DST: variants seen among roughly 807,000 people sequenced by gnomAD.
DST encodes the protein bullous pemphigoid antigen.
A neutral mutation model predicts 875.2 loss-of-function variants in DST; 253 were observed. The ratio of observed to expected loss-of-function variants is 0.29; its 90% CI spans 0.26 to 0.32. The LOEUF (loss-of-function observed/expected upper bound fraction) is 0.32. DST is among the 10% of genes least tolerant of loss of function. DST has a pLI of 1.00. For synonymous variants in DST, 3,124 were observed against 3,197.1 expected, an observed-to-expected ratio of 0.98 and a Z score of 0.77; for missense variants, 8,287 against 9,111.6, an observed-to-expected ratio of 0.91 and a Z score of 3.68.
At chr6:56,935,554 T>A (rs764540389) in intron 2 of DST, among the ~76,000 whole-genome samples, 1 of 152,282 alleles carries the variant, frequency 6.6e-6, no homozygotes, top group East Asian at 1.9e-4. Context: ...ACATATTGTT[T>A]TCTTTAAAAT....
chr6:56,534,862 C>T (rs1251501105), intron 63 of DST, among the ~76,000 whole-genome samples: 2 of 152,198 alleles, frequency 1.3e-5, no homozygotes, highest in East Asian at 1.9e-4. Context: ...AATCCTGGCA[C>T]ACCCTTCCCA....
At chr6:56,645,330 C>T (rs1330873965) in intron 15 of DST, among the ~76,000 whole-genome samples, 2 of 152,088 alleles carry the variant, frequency 1.3e-5, no homozygotes, top group Admixed American at 6.5e-5. Context: ...TAGTGAGAGA[C>T]AAAATGACAG....
intron 2 of DST, among the ~76,000 whole-genome samples, chr6:56,916,997 A>C (rs1422554726): frequency 2.4e-5 from 3 of 123,392 alleles, no homozygotes; most frequent in Admixed American, 7.9e-5. Flanking sequence ...TAAAAAAAAA[A>C]AAAAAAAAAA....
intron 61 of DST, among the ~76,000 whole-genome samples, chr6:56,550,101 C>G (rs1032296983): frequency 6.6e-6 from 1 of 152,128 alleles, no homozygotes; most frequent in Non-Finnish European, 1.5e-5. Context: ...ATTGTAATTA[C>G]TATTTTTAAG....
chr6:56,870,529 G>A (rs111641303), intron 3 of DST, among the ~76,000 whole-genome samples: 7,179 of 151,504 alleles, frequency 0.047, 574 homozygotes, highest in African/African-American at 0.16. Flanking sequence ...TTGGGAGACC[G>A]AGGTGGGCAG....
At chr6:56,884,876 G>A (rs1283863381) in intron 3 of DST, among the ~76,000 whole-genome samples, 1 of 152,040 alleles carries the variant, frequency 6.6e-6, no homozygotes, top group Non-Finnish European at 1.5e-5. Context: ...CTACAGGCAC[G>A]TGCCACCACG....
chr6:56,836,711 C>A (rs2099793963), intron 4 of DST, among the ~76,000 whole-genome samples: 1 of 151,084 alleles, frequency 6.6e-6, no homozygotes, highest in South Asian at 2.1e-4. Context: ...ATTAGCCGGG[C>A]GTGATGGCGG....
At chr6:56,581,653 A>G (rs763645422) in intron 49 of DST, among the ~76,000 whole-genome samples, 2 of 152,230 alleles carry the variant, frequency 1.3e-5, no homozygotes, top group Non-Finnish European at 2.9e-5. Flanking sequence ...CTGGCCACAC[A>G]GGCCTATTCC....
At chr6:56,854,697 G>C (rs998182054) in intron 3 of DST, among the ~76,000 whole-genome samples, 3 of 152,084 alleles carry the variant, frequency 2.0e-5, no homozygotes, top group African/African-American at 7.2e-5. Context: ...CACATAAAAA[G>C]ATTACCAAAA....
At position 56,704,301 on chromosome 6, in the gene DST, C is replaced by A; in HGVS notation, c.756G>T (p.Glu252Asp). The A allele has an allele frequency of 6.4e-7, 1 of 1,551,676 alleles. No homozygotes were observed. The highest frequency in any genetic ancestry group is 1.2e-5 in the South Asian group (1 of 83,146). Reference sequence around the variant, plus strand: ...TTACCAAGGTATCTCCTGAAAGAACCTCTAAAAGAGAAATCAAATTGTGTC... The same window carrying A: ...TTACCAAGGTATCTCCTGAAAGAACATCTAAAAGAGAAATCAAATTGTGTC... ...RDGHNLISLL[E>D]VLSGDTLPRE... The change falls in exon 6 of 104, where the codon GAG (glutamate) becomes GAT (aspartate). Residue 252 changes from glutamate (E) to aspartate (D), a missense_variant. Transcript: ENST00000680361.
At chr6:56,812,135 A>G (rs191670485) in intron 4 of DST, among the ~76,000 whole-genome samples, 1,622 of 150,872 alleles carry the variant, frequency 0.011, 45 homozygotes, top group African/African-American at 0.038. Context: ...AAAAGAAAAG[A>G]AAAGAAAAGA....
intron 47 of DST, among the ~76,000 whole-genome samples, chr6:56,595,044 G>C (rs2098346830): frequency 6.6e-6 from 1 of 152,134 alleles, no homozygotes; most frequent in African/African-American, 2.4e-5. Context: ...CCAGCCATAA[G>C]CATCTTCTTC....
chr6:56,503,303 C>T (rs894371713), intron 78 of DST, among the ~76,000 whole-genome samples: 67 of 152,080 alleles, frequency 4.4e-4, no homozygotes, highest in African/African-American at 1.6e-3. Flanking sequence ...ATTTGCAACA[C>T]AAAGGATAAA....
At chr6:56,922,011 T>C (rs1412474503) in intron 2 of DST, among the ~76,000 whole-genome samples, 1 of 152,176 alleles carries the variant, frequency 6.6e-6, no homozygotes, top group Admixed American at 6.5e-5. Context: ...ATTATTTCCT[T>C]AAATACATAC....
At chr6:56,875,209 C>A (rs543323913) in intron 3 of DST, among the ~76,000 whole-genome samples, 6 of 152,272 alleles carry the variant, frequency 3.9e-5, no homozygotes, top group African/African-American at 1.4e-4. Flanking sequence ...TGGTCTCGAT[C>A]TCCTGGCCTC....
At chr6:56,516,601 A>G (rs760518391) in intron 71 of DST, among the ~76,000 whole-genome samples, 4 of 152,178 alleles carry the variant, frequency 2.6e-5, no homozygotes, top group Non-Finnish European at 5.9e-5. Flanking sequence ...TATCTTTCCT[A>G]CCAGAAGCAT....
rs1262261804 is a variant in DST, at chr6:56,532,493, C to A, written c.16959G>T (p.Leu5653Phe). 6.2e-7 allele frequency: 1 copy of A among 1,600,988 alleles called. No individual in the cohort carries two copies. Among genetic ancestry groups the A allele is most frequent in the South Asian group, 1.1e-5 (1 of 88,638 alleles). Reference sequence around the variant, plus strand: ...CCTCCACCGTAGATTTTCGGTCATCCAACAATCTCTGGAGAAGCTTGAGAC... The same window carrying A: ...CCTCCACCGTAGATTTTCGGTCATCAAACAATCTCTGGAGAAGCTTGAGAC... ...IQEQKLLQRLLDDRKSTVEVI... is the reference protein window; with the variant it reads ...IQEQKLLQRLFDDRKSTVEVI... Residue 5653 changes from leucine (L) to phenylalanine (F), a missense_variant, in exon 64 of 104, where the codon TTG becomes TTT. This residue lies in a region of DST where 777 missense variants were observed against 764.8 expected (regional missense o/e 1.02). Transcript: ENST00000680361.
intron 4 of DST, among the ~76,000 whole-genome samples, chr6:56,737,119 A>G (rs1424998307): frequency 6.6e-6 from 1 of 152,238 alleles, no homozygotes; most frequent in Non-Finnish European, 1.5e-5. Flanking sequence ...ATTTGAGCCC[A>G]GGAGCTCAAG....
chr6:56,497,632 T>C lies in DST; in HGVS notation c.20095-125A>G, dbSNP rs114081171. 1,188 of 1,235,322 alleles carry C rather than the reference T, an allele frequency of 9.6e-4. 6 individuals are homozygous for C. The African/African-American group carries it at 0.016, about 17-fold the overall frequency. The allele number at this position is 1,235,322 out of a possible 1,614,324, so 76.5% of individuals were successfully genotyped here. The stretch of plus-strand genomic sequence containing the variant: ...ATTCTTAAGAACAGCCAGGTACCAT[T>C]AGATTTGCCTTTCTTCATCAGGAGA... On this transcript the variant is annotated intron_variant, in intron 81 of 103. Transcript: ENST00000680361.
Sources: gnomAD v4.1 joint callset for allele counts (sites outside exome capture counted in the v4.1 genomes callset) on GRCh38, gnomAD v4.1.1 for gene constraint, gnomAD v4.1.1 regional missense constraint, MANE v1.5 for transcripts, NCBI Gene and HGNC (gene_info 2026-07-23, HGNC 2026-07-21) for gene names.